Variants in GPR39 observed in about 807,000 individuals in gnomAD.
GPR39 encodes the protein zinc sensing receptor.
Under a neutral mutation model 18.4 loss-of-function variants are expected in GPR39, and 23 were observed. The observed-to-expected ratio is 1.25, with a 90% CI of 0.90 to 1.77. GPR39 has a LOEUF of 1.77. Among genes scored for constraint, GPR39 ranks in the 40% most tolerant of loss-of-function variants. GPR39 has a pLI of 0.00. For synonymous variants in GPR39, 280 were observed against 257.9 expected (o/e 1.09, Z -0.82); for missense variants, 647 against 602.4 (o/e 1.07, Z -0.78).
chr2:132,532,002 A>G lies in GPR39; in HGVS notation c.857-113099A>G, dbSNP rs1403651691. ...GAAGGCAAGAAGTAACTAAGATCAG[A>G]GCAGAACTGAAGGAGATAGAGACAC... On this transcript the variant is annotated intron_variant, in intron 1 of 1. Coordinates refer to ENST00000329321, the MANE Select transcript of GPR39 (RefSeq NM_001508.3). Among the ~76,000 whole-genome samples, 5 of 152,226 alleles carry G rather than the reference A, an allele frequency of 3.3e-5. No individual in the cohort carries two copies. In the East Asian group the frequency reaches 9.6e-4, roughly 29 times the overall value.
At chr2:132,635,519 G>A (rs190559202) in intron 1 of GPR39, among the ~76,000 whole-genome samples, 2 of 152,224 alleles carry the variant, frequency 1.3e-5, no homozygotes, top group East Asian at 3.9e-4. Context: ...GTGGGCAATT[G>A]GTGTGAGAGG....
At chr2:132,621,031 A>C (rs1272308007) in intron 1 of GPR39, among the ~76,000 whole-genome samples, 1 of 152,066 alleles carries the variant, frequency 6.6e-6, no homozygotes, top group Non-Finnish European at 1.5e-5. Context: ...GGATTACAGG[A>C]GTGAGCCACT....
intron 1 of GPR39, among the ~76,000 whole-genome samples, chr2:132,441,720 TTTAAG>T (rs1292914828): frequency 6.6e-6 from 1 of 152,234 alleles, no homozygotes; most frequent in Non-Finnish European, 1.5e-5. Context: ...TTTAAACTAA[TTTAAG>T]TTTAGATGTG....
intron 1 of GPR39, among the ~76,000 whole-genome samples, chr2:132,493,319 A>G (rs576512439): frequency 1.4e-5 from 2 of 147,130 alleles, no homozygotes; most frequent in Non-Finnish European, 3.0e-5. Context: ...TACCATATAT[A>G]TACACATACC....
rs959660456 is a variant in GPR39, at chr2:132,645,881, T to C, written c.*275T>C. On this transcript the variant is annotated 3_prime_UTR_variant, in exon 2 of 2. Transcript: ENST00000329321. ...GTCAGGCTGAATTTATTCAGAATGCTTTACCGAGCTCTTTCATTATTTGCA... is the reference window on the plus strand; with the variant it reads ...GTCAGGCTGAATTTATTCAGAATGCCTTACCGAGCTCTTTCATTATTTGCA... The C allele has an allele frequency of 1.5e-6, 1 of 658,834 alleles. No individual in the cohort carries two copies. The highest frequency in any genetic ancestry group is 1.8e-5 in the African/African-American group (1 of 54,438). 40.8% of individuals were successfully genotyped at this position (658,834 alleles called of 1,614,324 possible). A position where few individuals can be genotyped will look rare whatever the true frequency, so the allele number is the denominator to read the frequency against.
At chr2:132,474,038 G>A (rs1681080875) in intron 1 of GPR39, among the ~76,000 whole-genome samples, 2 of 152,148 alleles carry the variant, frequency 1.3e-5, no homozygotes, top group South Asian at 4.1e-4. Flanking sequence ...TGTGACTCAG[G>A]CTAAAGCACT....
chr2:132,565,669 C>A (rs985532118), intron 1 of GPR39, among the ~76,000 whole-genome samples: 4 of 145,758 alleles, frequency 2.7e-5, no homozygotes, highest in Non-Finnish European at 4.5e-5. Flanking sequence ...TTTGTTCTTG[C>A]GATAGTTTAC....
At chr2:132,577,075 G>A (rs1442118176) in intron 1 of GPR39, among the ~76,000 whole-genome samples, 1 of 151,668 alleles carries the variant, frequency 6.6e-6, no homozygotes, top group Non-Finnish European at 1.5e-5. Flanking sequence ...TGTTTTTGGG[G>A]CTGGGCAAGG....
chr2:132,604,422 A>AAAAGACACTG (rs1681098799), intron 1 of GPR39: 1 of 152,240 alleles, frequency 6.6e-6, no homozygotes, highest in African/African-American at 2.4e-5. Flanking sequence ...ATAAGGGCAT[A>AAAAGACACTG]AAAGACACTG....
chr2:132,549,709 A>G (rs1208531837), intron 1 of GPR39, among the ~76,000 whole-genome samples: 1 of 151,862 alleles, frequency 6.6e-6, no homozygotes, highest in Non-Finnish European at 1.5e-5. Context: ...AATCGCTTGA[A>G]CCCAGGAGGC....
intron 1 of GPR39, among the ~76,000 whole-genome samples, chr2:132,553,197 G>A (rs1409096723): frequency 1.3e-5 from 2 of 151,562 alleles, no homozygotes; most frequent in East Asian, 3.9e-4. Flanking sequence ...ACAGGCATGA[G>A]CCACCACGCC....
intron 1 of GPR39, among the ~76,000 whole-genome samples, chr2:132,445,788 C>T (rs1417106305): frequency 6.6e-6 from 1 of 152,148 alleles, no homozygotes; most frequent in African/African-American, 2.4e-5. Flanking sequence ...TCTAGAAACA[C>T]ATTAGGGTAA....
At chr2:132,462,366 A>T (rs2104777727) in intron 1 of GPR39, among the ~76,000 whole-genome samples, 1 of 152,288 alleles carries the variant, frequency 6.6e-6, no homozygotes, top group African/African-American at 2.4e-5. Flanking sequence ...CTGGCACAGA[A>T]CTGAAACCTA....
chr2:132,606,222 C>G (rs1681135882), intron 1 of GPR39: 1 of 152,260 alleles, frequency 6.6e-6, no homozygotes, highest in African/African-American at 2.4e-5. Context: ...ATCAACAGCC[C>G]TATCAACGTA....
intron 1 of GPR39, among the ~76,000 whole-genome samples, chr2:132,496,392 CTG>C (rs940731522): frequency 3.5e-4 from 54 of 152,212 alleles, no homozygotes; most frequent in South Asian, 2.1e-4. Flanking sequence ...CAGCAGGAAA[CTG>C]TGTTAATCAC....
At chr2:132,590,602 C>T (rs1282686288) in intron 1 of GPR39, among the ~76,000 whole-genome samples, 1 of 151,926 alleles carries the variant, frequency 6.6e-6, no homozygotes, top group Non-Finnish European at 1.5e-5. Context: ...TTGGGACTTG[C>T]CAAAGAAGAG....
At chr2:132,484,362 T>A (rs4592904) in intron 1 of GPR39, among the ~76,000 whole-genome samples, 67,018 of 152,184 alleles carry the variant, frequency 0.44, 18,250 homozygotes, top group Non-Finnish European at 0.61. Context: ...GACTAAATCA[T>A]TTAAATATGT....
intron 1 of GPR39, among the ~76,000 whole-genome samples, chr2:132,509,450 A>C (rs1175178305): frequency 2.3e-5 from 1 of 43,164 alleles, no homozygotes; most frequent in African/African-American, 6.2e-5. Flanking sequence ...TCACACACAC[A>C]GACACTCACT....
chr2:132,575,377 A>G (rs1680512619), intron 1 of GPR39, among the ~76,000 whole-genome samples: 2 of 152,206 alleles, frequency 1.3e-5, no homozygotes, highest in Non-Finnish European at 2.9e-5. Context: ...ATTATAAGAA[A>G]TAAGAGATCC....
Sources: gnomAD v4.1 joint callset for allele counts (sites outside exome capture counted in the v4.1 genomes callset) on GRCh38, gnomAD v4.1.1 for gene constraint, MANE v1.5 for transcripts, NCBI Gene and HGNC (gene_info 2026-07-23, HGNC 2026-07-21) for gene names.